Variants in RBFOX3 observed in about 807,000 individuals in gnomAD.
RBFOX3 encodes the protein RNA binding protein fox-1 homolog 3.
Under a neutral mutation model 48.7 loss-of-function variants are expected in RBFOX3, and 17 were observed. That is an observed-to-expected ratio of 0.35 (90% CI 0.24 to 0.52). The LOEUF (loss-of-function observed/expected upper bound fraction) is 0.52. Ranked by LOEUF, RBFOX3 falls within the 20% of genes least tolerant of loss-of-function variation. The pLI is 0.94. For missense variants in RBFOX3, 382 were observed against 497.5 expected, an observed-to-expected ratio of 0.77 and a Z score of 2.21; for synonymous variants, 212 against 209.5, an observed-to-expected ratio of 1.01 and a Z score of -0.10.
intron 4 of RBFOX3, among the ~76,000 whole-genome samples, chr17:79,154,066 G>T (rs1216095700): frequency 6.6e-6 from 1 of 152,174 alleles, no homozygotes; most frequent in Non-Finnish European, 1.5e-5. Flanking sequence ...TCACTCTGAA[G>T]AAATGTACCC....
chr17:79,100,962 T>C (rs556133122), intron 9 of RBFOX3, among the ~76,000 whole-genome samples: 115 of 152,246 alleles, frequency 7.6e-4, no homozygotes, highest in African/African-American at 2.7e-3. Flanking sequence ...GGGCCACCCA[T>C]GTCAAAAAGC....
intron 2 of RBFOX3, among the ~76,000 whole-genome samples, chr17:79,353,970 C>A (rs1568096273): frequency 6.6e-6 from 1 of 152,186 alleles, no homozygotes. Context: ...TCCCTTTCAC[C>A]ACCCGACTCT....
chr17:79,166,045 G>A (rs1297168677), intron 4 of RBFOX3, among the ~76,000 whole-genome samples: 1 of 152,234 alleles, frequency 6.6e-6, no homozygotes, highest in East Asian at 1.9e-4. Flanking sequence ...GGGAGCTGGA[G>A]TGAGATGTTG....
chr17:79,381,516 G>A (rs1006046125), intron 2 of RBFOX3, among the ~76,000 whole-genome samples: 1 of 152,164 alleles, frequency 6.6e-6, no homozygotes, highest in African/African-American at 2.4e-5. Context: ...AGCGCATCCT[G>A]GGCCACAGAC....
At chr17:79,161,651 A>C (rs573049334) in intron 4 of RBFOX3, among the ~76,000 whole-genome samples, 1 of 152,124 alleles carries the variant, frequency 6.6e-6, no homozygotes, top group Non-Finnish European at 1.5e-5. Flanking sequence ...GCTGGAGTGC[A>C]GTGGCGCGAT....
chr17:79,629,784 A>G, the RBFOX3 span, among the ~76,000 whole-genome samples: 3 of 152,324 alleles, frequency 2.0e-5, no homozygotes, highest in African/African-American at 7.2e-5. Context: ...TTGGTAAATA[A>G]TTTGTGCACT....
chr17:79,635,068 A>G, the RBFOX3 span, among the ~76,000 whole-genome samples: 1 of 1,472 alleles, frequency 6.8e-4, no homozygotes, highest in African/African-American at 1.1e-3. Context: ...TCAAAAAAAA[A>G]AAAAAAAAAA....
At chr17:79,451,571 A>G (rs1334148299) in intron 2 of RBFOX3, among the ~76,000 whole-genome samples, 1 of 152,150 alleles carries the variant, frequency 6.6e-6, no homozygotes, top group Non-Finnish European at 1.5e-5. Flanking sequence ...AGGGAAAATG[A>G]CCTACTCTCA....
chr17:79,539,149 C>T (rs971566838), intron 1 of RBFOX3, among the ~76,000 whole-genome samples: 22 of 152,138 alleles, frequency 1.4e-4, no homozygotes, highest in African/African-American at 3.9e-4. Context: ...CTCAGGAGTC[C>T]GAGACCAGCC....
chr17:79,583,753 C>A (rs1287826251), intron 1 of RBFOX3, among the ~76,000 whole-genome samples: 3 of 152,198 alleles, frequency 2.0e-5, no homozygotes, highest in Non-Finnish European at 4.4e-5. Context: ...TTAAAAGATG[C>A]TCTGCCCATG....
At chr17:79,129,177 A>C (rs1028265072) in intron 4 of RBFOX3, among the ~76,000 whole-genome samples, 5 of 152,160 alleles carry the variant, frequency 3.3e-5, no homozygotes, top group Admixed American at 1.3e-4. Flanking sequence ...CGGTGGCTGA[A>C]GGCTTACGAA....
chr17:79,539,970 C>T (rs781790597), intron 1 of RBFOX3, among the ~76,000 whole-genome samples: 156 of 152,246 alleles, frequency 1.0e-3, no homozygotes, highest in African/African-American at 3.3e-3. Context: ...ATCTGAAATC[C>T]GGATTTCATT....
At chr17:79,438,014 G>A (rs567739149) in intron 2 of RBFOX3, among the ~76,000 whole-genome samples, 11 of 152,164 alleles carry the variant, frequency 7.2e-5, no homozygotes, top group African/African-American at 1.2e-4. Flanking sequence ...TGTACACAGA[G>A]GGGCACAAGC....
At chr17:79,253,894 T>C (rs565717118) in intron 3 of RBFOX3, among the ~76,000 whole-genome samples, 72 of 152,272 alleles carry the variant, frequency 4.7e-4, no homozygotes, top group African/African-American at 1.7e-3. Flanking sequence ...CGGAGGAAGC[T>C]CAGAGAGGTT....
At chr17:79,594,362 C>T (rs1409248330) in intron 1 of RBFOX3, among the ~76,000 whole-genome samples, 2 of 152,174 alleles carry the variant, frequency 1.3e-5, no homozygotes, top group African/African-American at 2.4e-5. Context: ...AAGACACAGC[C>T]CTGACCCTCT....
At position 79,111,182 on chromosome 17, in the gene RBFOX3, T is replaced by C. The variant is rs551066160; in HGVS notation, c.222+4312A>G. On this transcript the variant is annotated intron_variant, in intron 5 of 14. Transcript: ENST00000693108. The surrounding 1 kb of genome is among the most constrained non-coding windows in gnomAD (Gnocchi z 4.2). ...CTGCAGGTCACTGGGCAGAGAGGCC[T>C]CCAGGGACCTGGGCGCACAGGCATC... Among the ~76,000 whole-genome samples the C allele has an allele frequency of 6.6e-6, 1 of 152,190 alleles. No individual in the cohort carries two copies. The highest frequency in any genetic ancestry group is 1.5e-5 in the Non-Finnish European group (1 of 68,020).
chr17:79,196,685 C>T (rs1321626481), intron 4 of RBFOX3, among the ~76,000 whole-genome samples: 1 of 152,150 alleles, frequency 6.6e-6, no homozygotes, highest in African/African-American at 2.4e-5. Context: ...TCTCCTAGGC[C>T]TTGGTACAGA....
chr17:79,284,936 G>A (rs546617390), intron 3 of RBFOX3, among the ~76,000 whole-genome samples: 18 of 152,230 alleles, frequency 1.2e-4, no homozygotes, highest in Admixed American at 2.6e-4. Context: ...CCTGGTGTTC[G>A]GAGAGAAGAA....
intron 4 of RBFOX3, among the ~76,000 whole-genome samples, chr17:79,125,928 C>T (rs535497805): frequency 1.3e-5 from 2 of 152,360 alleles, no homozygotes; most frequent in South Asian, 4.1e-4. Flanking sequence ...TGCAGGTCAC[C>T]TGCCTGCCCA....
Sources: allele counts gnomAD v4.1 joint callset (sites outside exome capture counted in the v4.1 genomes callset), GRCh38; gene constraint gnomAD v4.1.1; non-coding constraint Gnocchi (gnomAD v3.1); transcripts MANE v1.5; gene names NCBI Gene and HGNC (gene_info 2026-07-23, HGNC 2026-07-21).